The following RHPN2 variants were observed in gnomAD, a reference collection of about 807,000 sequenced individuals.
RHPN2 encodes the protein rhophilin-2.
Under a neutral mutation model 79.0 loss-of-function variants are expected in RHPN2, and 40 were observed. That is an observed-to-expected ratio of 0.51 (90% CI 0.39 to 0.66). RHPN2 has a LOEUF of 0.66. Among genes scored for constraint, RHPN2 ranks in the 30% least tolerant of loss-of-function variants. The pLI, the probability that RHPN2 is intolerant of heterozygous loss-of-function variation, is 0.00. For missense variants in RHPN2, 686 were observed against 883.5 expected (o/e 0.78, Z 2.83); for synonymous variants, 285 against 363.5 (o/e 0.78, Z 2.46).
rs1288453523 is a variant in RHPN2 at position 32,979,808 on chromosome 19, T to G, written c.*188A>C. 3 of 674,594 alleles carry G rather than the reference T, an allele frequency of 4.4e-6. No homozygotes were observed. The highest frequency in any genetic ancestry group is 7.5e-6 in the Non-Finnish European group (3 of 398,998). 41.8% of individuals were successfully genotyped at this position (674,594 alleles called of 1,614,324 possible). On this transcript the variant is annotated 3_prime_UTR_variant, in exon 15 of 15. Transcript: ENST00000254260. ...ATAGTAACACACCTCAAAAAAGTTC[T>G]TTTTTCACTAATTCCTAGAGGTTTC...
chr19:32,996,785 G>A (rs963265196), intron 10 of RHPN2, among the ~76,000 whole-genome samples: 16 of 152,094 alleles, frequency 1.1e-4, no homozygotes, highest in South Asian at 4.2e-4. Context: ...AGCGTTAGCC[G>A]TCTCTCAGTC....
chr19:33,004,498 A>T (rs1169137253), intron 7 of RHPN2, among the ~76,000 whole-genome samples: 1 of 152,122 alleles, frequency 6.6e-6, no homozygotes, highest in Non-Finnish European at 1.5e-5. Flanking sequence ...AAAATTTAAG[A>T]TAATAATTAA....
intron 3 of RHPN2, 149 bp from the exon 4 acceptor site, chr19:33,021,795 A>C: frequency 1.5e-6 from 1 of 684,554 alleles, no homozygotes; most frequent in Non-Finnish European, 2.7e-6. Context: ...ATTTTCCATA[A>C]GGATGACTCT....
At chr19:33,029,050 G>A (rs1201640089) in intron 2 of RHPN2, among the ~76,000 whole-genome samples, 3 of 151,980 alleles carry the variant, frequency 2.0e-5, no homozygotes, top group Admixed American at 2.0e-4. Context: ...TGATGCAGGA[G>A]AATCACTTGA....
intron 11 of RHPN2, 146 bp from the exon 12 acceptor site, chr19:32,994,199 CAGTCT>C: frequency 1.5e-6 from 1 of 653,062 alleles, no homozygotes; most frequent in East Asian, 3.1e-5. Flanking sequence ...AGTTCAAGAC[CAGTCT>C]AGCCAGCATG....
chr19:33,062,069 T>C (rs1972284756), intron 1 of RHPN2, among the ~76,000 whole-genome samples: 1 of 152,202 alleles, frequency 6.6e-6, no homozygotes, highest in Non-Finnish European at 1.5e-5. Flanking sequence ...CGAACTGGTA[T>C]GACTTAACAT....
At chr19:33,028,779 C>A (rs1460356344) in intron 2 of RHPN2, among the ~76,000 whole-genome samples, 1 of 151,954 alleles carries the variant, frequency 6.6e-6, no homozygotes, top group African/African-American at 2.4e-5. Flanking sequence ...GCAAAAAAAA[C>A]CTACAATAGG....
chr19:33,015,820 G>A (rs2145241452), intron 4 of RHPN2, among the ~76,000 whole-genome samples: 2 of 152,222 alleles, frequency 1.3e-5, no homozygotes, highest in Non-Finnish European at 2.9e-5. Context: ...AGGCTGAGGT[G>A]GGCGGATCAG....
In RHPN2 at chr19:32,996,207, C is replaced by A; in HGVS notation, c.1239G>T (p.Leu413Phe). The change falls in exon 11 of 15, where the codon TTG becomes TTT. Residue 413 changes from leucine (L) to phenylalanine (F), a missense_variant. By Grantham distance (22) the Leu-to-Phe change is conservative. Transcript: ENST00000254260. ...CCTCGTGATGAGCCATGGCTCTGCG[C>A]AAGTGGGACTTCCCTGCAGACGGAA... Reference protein sequence around the residue: ...QQRRQLGKSHLRRAMAHHEES... With the variant: ...QQRRQLGKSHFRRAMAHHEES... 6.2e-7 allele frequency: 1 copy of A among 1,614,152 alleles called. No individual in the cohort carries two copies. The highest frequency in any genetic ancestry group is 8.5e-7 in the Non-Finnish European group (1 of 1,180,040).
chr19:33,053,059 C>T (rs1972202166), intron 1 of RHPN2, among the ~76,000 whole-genome samples: 1 of 151,432 alleles, frequency 6.6e-6, no homozygotes, highest in African/African-American at 2.4e-5. Flanking sequence ...GCAACCTCCA[C>T]CTCCCGGGTT....
intron 11 of RHPN2, among the ~76,000 whole-genome samples, 193 bp from the exon 12 acceptor site, chr19:32,994,246 A>C (rs1971683343): frequency 6.6e-6 from 1 of 152,056 alleles, no homozygotes; most frequent in Non-Finnish European, 1.5e-5. Context: ...AAATACAAAA[A>C]TTAGCCAGGT....
Position 32,979,972 on chromosome 19 carries a change from C to A in RHPN2, c.*24G>T. The A allele has an allele frequency of 6.2e-7, 1 of 1,613,572 alleles. No homozygotes were observed. Among genetic ancestry groups the A allele is most frequent in the South Asian group, 1.1e-5 (1 of 91,062 alleles). ...GAGTCAGCACCGGAAATGTTCAGGGCCTGAACATGTTTGTTTCCTCACATT... is the reference window on the plus strand; with the variant it reads ...GAGTCAGCACCGGAAATGTTCAGGGACTGAACATGTTTGTTTCCTCACATT... On this transcript the variant is annotated 3_prime_UTR_variant, in exon 15 of 15. Transcript: ENST00000254260.
intron 1 of RHPN2, among the ~76,000 whole-genome samples, chr19:33,047,791 A>T (rs1972153777): frequency 6.6e-6 from 1 of 152,074 alleles, no homozygotes. Context: ...CACAACTGTA[A>T]TCCCAAGCAC....
In RHPN2 at chr19:33,021,608, T is replaced by C; in HGVS notation, c.353A>G (p.Lys118Arg). ...FTIPLIPLGL[K>R]ETKDVDFAVV... ...TGCAAAGTCGACGTCTTTCGTTTCC[T>C]TCAGGCCAAGAGGAATCAGGGGAAT... The change falls in exon 4 of 15, where the codon AAG becomes AGG. Residue 118 changes from lysine (K) to arginine (R), a missense_variant. Lys to Arg is a conservative substitution (Grantham distance 26, BLOSUM62 2). Transcript: ENST00000254260. The C allele has an allele frequency of 6.2e-7, 1 of 1,613,960 alleles. No individual in the cohort carries two copies. Among genetic ancestry groups the C allele is most frequent in the Non-Finnish European group, 8.5e-7 (1 of 1,179,878 alleles).
At chr19:32,985,144 G>A (rs1326555629) in intron 14 of RHPN2, among the ~76,000 whole-genome samples, 6 of 151,884 alleles carry the variant, frequency 4.0e-5, no homozygotes, top group South Asian at 4.2e-4. Context: ...GATTACAGGC[G>A]CCCGCCACCA....
In RHPN2 at chr19:33,036,870, G is replaced by GCCCCCCCCC. The variant is rs199550754; in HGVS notation, c.185+7378_185+7379insGGGGGGGGG. 2.1e-4 allele frequency among the ~76,000 whole-genome samples: 29 copies of GCCCCCCCCC among 141,394 alleles called. 2 individuals carry two copies. Among genetic ancestry groups the GCCCCCCCCC allele is most frequent in the African/African-American group, 8.2e-4 (29 of 35,470 alleles). The allele number at this position is 141,394 out of a possible 152,430, so 92.8% of individuals were successfully genotyped here. On this transcript the variant is annotated intron_variant, in intron 2 of 14. Transcript: ENST00000254260. Reference sequence around the variant, plus strand: ...AGCACCTGTAGCCCGCCATGCCTGAGCCCCCCCGCCACCCTCTGTGGGCTC... The same window carrying GCCCCCCCCC: ...AGCACCTGTAGCCCGCCATGCCTGAGCCCCCCCCCCCCCCCCGCCACCCTCTGTGGGCTC...
chr19:33,050,286 T>G (rs992382266), intron 1 of RHPN2, among the ~76,000 whole-genome samples: 12 of 152,174 alleles, frequency 7.9e-5, no homozygotes, highest in African/African-American at 2.9e-4. Flanking sequence ...GATTTGGCGA[T>G]GTCATCTGAG....
At chr19:33,016,297 G>A (rs1275075769) in intron 4 of RHPN2, among the ~76,000 whole-genome samples, 5 of 151,404 alleles carry the variant, frequency 3.3e-5, no homozygotes, top group Admixed American at 2.0e-4. Context: ...CTGCAGCCTC[G>A]ACCTCTTGGG....
intron 10 of RHPN2, among the ~76,000 whole-genome samples, chr19:32,997,459 G>T (rs1971711463): frequency 6.6e-6 from 1 of 150,670 alleles, no homozygotes; most frequent in East Asian, 2.0e-4. Flanking sequence ...CTGGGAATGG[G>T]GTTGTCCTAT....
Sources: allele counts gnomAD v4.1 joint callset (sites outside exome capture counted in the v4.1 genomes callset), GRCh38; gene constraint gnomAD v4.1.1; transcripts MANE v1.5; gene names NCBI Gene and HGNC (gene_info 2026-07-23, HGNC 2026-07-21).